Variants in DLG2 observed in about 807,000 individuals in gnomAD.
DLG2 encodes disks large homolog 2.
In DLG2, 45 loss-of-function variants were observed where a neutral mutation model predicts 132.5. That is an observed-to-expected ratio of 0.34 (90% CI 0.27 to 0.44). The LOEUF is 0.44. Among genes scored for constraint, DLG2 ranks in the 20% least tolerant of loss-of-function variants. DLG2 has a pLI of 1.00. For missense variants in DLG2, 1,045 were observed against 1,196.9 expected, an observed-to-expected ratio of 0.87 and a Z score of 1.87; for synonymous variants, 424 against 419.6, an observed-to-expected ratio of 1.01 and a Z score of -0.13.
chr11:83,817,952 A>C (rs560614832), intron 17 of DLG2, among the ~76,000 whole-genome samples: 1 of 152,214 alleles, frequency 6.6e-6, no homozygotes, highest in Non-Finnish European at 1.5e-5. Flanking sequence ...TAAAAAATTA[A>C]TTGTTCAAAA....
At chr11:83,718,346 G>A (rs569025792) in intron 18 of DLG2, among the ~76,000 whole-genome samples, 138 of 152,056 alleles carry the variant, frequency 9.1e-4, no homozygotes, top group Non-Finnish European at 1.8e-3. Context: ...AGACCAGCCT[G>A]GCCAAGATGG....
chr11:84,698,191 C>T (rs2058821503), intron 6 of DLG2, among the ~76,000 whole-genome samples: 1 of 151,306 alleles, frequency 6.6e-6, no homozygotes, highest in Non-Finnish European at 1.5e-5. Flanking sequence ...ATAAAGGTAG[C>T]ATGAAGGCAG....
chr11:85,612,568 C>T (rs576667361), intron 2 of DLG2, among the ~76,000 whole-genome samples: 15 of 152,166 alleles, frequency 9.9e-5, no homozygotes, highest in South Asian at 2.1e-4. Flanking sequence ...ATGGACTGAA[C>T]GAGGTCTTAC....
intron 7 of DLG2, among the ~76,000 whole-genome samples, chr11:84,418,730 C>T (rs1471523553): frequency 6.6e-6 from 1 of 152,192 alleles, no homozygotes; most frequent in Non-Finnish European, 1.5e-5. Context: ...TTAGTTCCCT[C>T]CTCTATACCC....
At chr11:84,689,138 G>A (rs1306847595) in intron 6 of DLG2, among the ~76,000 whole-genome samples, 1 of 152,124 alleles carries the variant, frequency 6.6e-6, no homozygotes, top group East Asian at 1.9e-4. Flanking sequence ...ACTATGAAAT[G>A]AGAAATTGGC....
chr11:84,250,824 AG>A (rs1443785240), intron 8 of DLG2, among the ~76,000 whole-genome samples: 8 of 152,236 alleles, frequency 5.3e-5, no homozygotes, highest in Admixed American at 4.6e-4. Flanking sequence ...ACTTCTTATT[AG>A]AAGCCCAATA....
chr11:84,963,314 AT>A (rs1213463019), intron 6 of DLG2, among the ~76,000 whole-genome samples: 2 of 152,212 alleles, frequency 1.3e-5, no homozygotes, highest in African/African-American at 2.4e-5. Context: ...GGAGGGAAAA[AT>A]ATCTGCACTA....
chr11:85,405,449 G>A (rs778129513), intron 3 of DLG2, among the ~76,000 whole-genome samples: 2 of 151,848 alleles, frequency 1.3e-5, no homozygotes, highest in Admixed American at 6.6e-5. Context: ...GAAAATCAAG[G>A]TTTACATGGA....
intron 4 of DLG2, among the ~76,000 whole-genome samples, chr11:85,263,490 T>G (rs1467736842): frequency 1.3e-5 from 2 of 152,208 alleles, no homozygotes; most frequent in African/African-American, 4.8e-5. Flanking sequence ...GGAGAGAGTC[T>G]TCCTCCCTTC....
intron 4 of DLG2, among the ~76,000 whole-genome samples, chr11:85,214,668 A>G (rs1376152927): frequency 6.6e-6 from 1 of 152,212 alleles, no homozygotes; most frequent in Non-Finnish European, 1.5e-5. Flanking sequence ...CTGGTCTCCA[A>G]GACTACTTAG....
chr11:84,266,333 C>A (rs2097633617), intron 7 of DLG2, among the ~76,000 whole-genome samples: 1 of 152,156 alleles, frequency 6.6e-6, no homozygotes, highest in African/African-American at 2.4e-5. Flanking sequence ...CAGCAATCTG[C>A]AAATGTTCTT....
chr11:83,865,826 A>G (rs2062235985), intron 16 of DLG2, among the ~76,000 whole-genome samples: 1 of 152,206 alleles, frequency 6.6e-6, no homozygotes, highest in African/African-American at 2.4e-5. Context: ...CAGTGAGTCA[A>G]CCATGAGTCA....
chr11:83,725,411 C>T (rs1416909695), intron 18 of DLG2: 3 of 152,668 alleles, frequency 2.0e-5, no homozygotes, highest in African/African-American at 7.2e-5. Context: ...AATTCTTCAG[C>T]TGCAGGCTGG....
intron 3 of DLG2, among the ~76,000 whole-genome samples, chr11:85,485,312 C>A (rs1034896408): frequency 1.3e-5 from 2 of 152,012 alleles, no homozygotes; most frequent in Non-Finnish European, 1.5e-5. Context: ...TGTAACTAAC[C>A]TGCACATTGT....
Position 83,480,511 on chromosome 11 carries a change from C to A in DLG2, c.2293+3618G>T. On this transcript the variant is annotated intron_variant, in intron 22 of 27. Transcript: ENST00000376104. Reference sequence around the variant, plus strand: ...CATGCAAGGCTACCAGAAATGTGAGCGAAAGGCAAGTAAAAGCCGCAGAGG... The same window carrying A: ...CATGCAAGGCTACCAGAAATGTGAGAGAAAGGCAAGTAAAAGCCGCAGAGG... The A allele has an allele frequency of 2.0e-6, 3 of 1,500,052 alleles. No homozygotes were observed. In the South Asian group the frequency reaches 3.6e-5, roughly 18 times the overall value. The allele number at this position is 1,500,052 out of a possible 1,614,324, so 92.9% of individuals were successfully genotyped here.
At chr11:83,775,920 G>A (rs900985281) in intron 18 of DLG2, among the ~76,000 whole-genome samples, 5 of 151,840 alleles carry the variant, frequency 3.3e-5, no homozygotes, top group Non-Finnish European at 5.9e-5. Context: ...GTGAAACCTC[G>A]TCTCTACTAA....
chr11:85,264,619 G>T (rs2077109130), intron 4 of DLG2, among the ~76,000 whole-genome samples: 1 of 151,938 alleles, frequency 6.6e-6, no homozygotes, highest in South Asian at 2.1e-4. Context: ...GCTATGAATG[G>T]GGTACCATTT....
Position 85,154,578 on chromosome 11 carries a change from T to C in DLG2, c.260A>G (p.Asn87Ser). The C allele has an allele frequency of 6.6e-7, 1 of 1,525,250 alleles. No individual in the cohort carries two copies. The highest frequency in any genetic ancestry group is 8.9e-7 in the Non-Finnish European group (1 of 1,123,962). The allele number at this position is 1,525,250 out of a possible 1,614,324, so 94.5% of individuals were successfully genotyped here. A position where few individuals can be genotyped will look rare whatever the true frequency, so the allele number is the denominator to read the frequency against. The part of the protein sequence containing the change: ...EQNKENQSFE[N>S]ETDETTTQNQ... ...TACAGTTGTCGTCTCATCAGTTTCA[T>C]TTTCAAAACTCTGATTTTCTTTATT... The change falls in exon 5 of 28, where the codon AAT (asparagine) becomes AGT (serine). Residue 87 changes from asparagine (N) to serine (S), a missense_variant. By Grantham distance (46) the Asn-to-Ser change is conservative. Coordinates refer to ENST00000376104, the MANE Select transcript of DLG2 (RefSeq NM_001142699.3).
At position 84,232,204 on chromosome 11, in the gene DLG2, GCCA is replaced by G. The variant is rs1017219629; in HGVS notation, c.573+19031_573+19033del. On this transcript the variant is annotated intron_variant, in intron 8 of 27. Coordinates refer to ENST00000376104, the MANE Select transcript of DLG2 (RefSeq NM_001142699.3). ...TTTGCCATACTATCTTTCTAAAGAA[GCCA>G]CTGCACTTCCCTCCCCTCAAAGCAC... Among the ~76,000 whole-genome samples, 66 of 152,220 alleles carry G rather than the reference GCCA, an allele frequency of 4.3e-4. 1 individual carries two copies. Among genetic ancestry groups the G allele is most frequent in the African/African-American group, 1.4e-3 (58 of 41,540 alleles).
Sources: gnomAD v4.1 joint callset for allele counts (sites outside exome capture counted in the v4.1 genomes callset) on GRCh38, gnomAD v4.1.1 for gene constraint, MANE v1.5 for transcripts, NCBI Gene and HGNC (gene_info 2026-07-23, HGNC 2026-07-21) for gene names.